The following ZFAND4 variants were observed in gnomAD, a reference collection of about 807,000 sequenced individuals.
The protein encoded by ZFAND4 is AN1-type zinc finger protein 4.
Under a neutral mutation model 64.4 loss-of-function variants are expected in ZFAND4, and 43 were observed. The observed-to-expected ratio is 0.67, with a 90% CI of 0.52 to 0.86. The LOEUF (loss-of-function observed/expected upper bound fraction) is 0.86. ZFAND4 is among the 40% of genes least tolerant of loss of function. ZFAND4 has a pLI of 0.00. For missense variants in ZFAND4, 929 were observed against 859.8 expected (o/e 1.08, Z -1.01); for synonymous variants, 296 against 305.7 (o/e 0.97, Z 0.33).
intron 6 of ZFAND4, among the ~76,000 whole-genome samples, chr10:45,628,264 G>A (rs2045973239): frequency 6.6e-6 from 1 of 152,196 alleles, no homozygotes; most frequent in African/African-American, 2.4e-5. Flanking sequence ...GATACCAACT[G>A]AGGCAAGAAA....
At position 45,640,953 on chromosome 10, in the gene ZFAND4, G is replaced by A. The variant is rs140386274; in HGVS notation, c.570-990C>T. ...ATTTCAATTACTGATCAACCACAGCGACGTTATTCATATTTCAATGTAATT... is the reference window on the plus strand; with the variant it reads ...ATTTCAATTACTGATCAACCACAGCAACGTTATTCATATTTCAATGTAATT... On this transcript the variant is annotated intron_variant, in intron 5 of 9. Coordinates refer to ENST00000344646, the MANE Select transcript of ZFAND4 (RefSeq NM_174890.4). Among the ~76,000 whole-genome samples, 8 of 152,268 alleles carry A rather than the reference G, an allele frequency of 5.3e-5. No individual in the cohort carries two copies. The East Asian group carries it at 1.3e-3, about 26-fold the overall frequency.
intron 6 of ZFAND4, among the ~76,000 whole-genome samples, chr10:45,630,076 T>C (rs1182795423): frequency 6.6e-6 from 1 of 151,764 alleles, no homozygotes; most frequent in African/African-American, 2.4e-5. Flanking sequence ...AGAAAATAAA[T>C]AGAAAAAGGC....
intron 8 of ZFAND4, chr10:45,620,910 T>C (rs543791203): frequency 6.6e-6 from 1 of 152,296 alleles, no homozygotes; most frequent in Admixed American, 6.5e-5. Flanking sequence ...AAGCCTTCTC[T>C]CAAATGTGTA....
At chr10:45,632,526 C>T (rs978954256) in intron 6 of ZFAND4, among the ~76,000 whole-genome samples, 1 of 152,022 alleles carries the variant, frequency 6.6e-6, no homozygotes, top group African/African-American at 2.4e-5. Context: ...CACTGATTTT[C>T]ACTTAGTAAT....
intron 4 of ZFAND4, chr10:45,648,923 G>T: frequency 3.1e-6 from 3 of 981,768 alleles, no homozygotes; most frequent in Non-Finnish European, 3.6e-6. Context: ...TTCAAATATT[G>T]GTTCCAACAA....
At chr10:45,621,397 T>C (rs2045410520) in intron 8 of ZFAND4, among the ~76,000 whole-genome samples, 1 of 145,644 alleles carries the variant, frequency 6.9e-6, no homozygotes, top group South Asian at 2.2e-4. Flanking sequence ...AAAGCATATA[T>C]CTGGGGACAA....
At chr10:45,662,138 ATAG>A (rs1457204794) in intron 2 of ZFAND4, among the ~76,000 whole-genome samples, 2 of 152,134 alleles carry the variant, frequency 1.3e-5, no homozygotes, top group African/African-American at 4.8e-5. Context: ...GCAGACTAAG[ATAG>A]TAGGTATTTT....
Position 45,618,233 on chromosome 10 carries a change from G to T in ZFAND4, c.1955C>A (p.Pro652His). ...VGECTTHHLP[P>H]VKAPLQTKKK... ...CTTTGTCTGAAGAGGGGCTTTCACAGGTGGGAGGTGATGAGTAGTACATTC... is the reference window on the plus strand; with the variant it reads ...CTTTGTCTGAAGAGGGGCTTTCACATGTGGGAGGTGATGAGTAGTACATTC... Residue 652 changes from proline to histidine, a missense_variant, in exon 9 of 10, where the codon CCT becomes CAT. Coordinates refer to ENST00000344646, the MANE Select transcript of ZFAND4 (RefSeq NM_174890.4). 1 of 1,613,516 alleles carries T rather than the reference G, an allele frequency of 6.2e-7. No homozygotes were observed. The highest frequency in any genetic ancestry group is 8.5e-7 in the Non-Finnish European group (1 of 1,179,796).
chr10:45,640,864 T>C (rs1358859587), intron 5 of ZFAND4, among the ~76,000 whole-genome samples: 1 of 152,170 alleles, frequency 6.6e-6, no homozygotes, highest in African/African-American at 2.4e-5. Flanking sequence ...TAGACTAGCA[T>C]AGATTTTAAC....
intron 1 of ZFAND4, among the ~76,000 whole-genome samples, chr10:45,666,765 T>A (rs188788444): frequency 6.6e-6 from 1 of 152,334 alleles, no homozygotes; most frequent in East Asian, 1.9e-4. Context: ...TTTGTCAGAA[T>A]TACCATTCAT....
In ZFAND4 at chr10:45,626,184, G is replaced by A. The variant is rs147863848; in HGVS notation, c.1639C>T (p.Arg547Trp). 1.4e-4 allele frequency: 224 copies of A among 1,614,060 alleles called. No individual in the cohort carries two copies. The African/African-American group carries it at 2.6e-3, about 18-fold the overall frequency. ...RSDVISKVEA[R>W]DITEMTNKAS... ...TTGTTAGTCATTTCTGTGATATCCCGAGCCTCAACTTTGGAAATAACATCA... is the reference window on the plus strand; with the variant it reads ...TTGTTAGTCATTTCTGTGATATCCCAAGCCTCAACTTTGGAAATAACATCA... Residue 547 changes from arginine to tryptophan, a missense_variant, in exon 7 of 10, where the codon CGG becomes TGG. Transcript: ENST00000344646.
chr10:45,640,577 G>C (rs914000791), intron 5 of ZFAND4, among the ~76,000 whole-genome samples: 6 of 151,858 alleles, frequency 4.0e-5, no homozygotes, highest in African/African-American at 9.7e-5. Flanking sequence ...TGCAACCTCT[G>C]CCTCCCGGGT....
chr10:45,666,427 A>G (rs2048830882), intron 1 of ZFAND4, among the ~76,000 whole-genome samples: 1 of 152,116 alleles, frequency 6.6e-6, no homozygotes, highest in African/African-American at 2.4e-5. Context: ...GAGTTTTTAT[A>G]TTACATATTC....
intron 8 of ZFAND4, 98 bp downstream of exon 8, chr10:45,624,485 C>T (rs2045654792): frequency 1.8e-6 from 2 of 1,082,946 alleles, no homozygotes; most frequent in Middle Eastern, 4.0e-4. Context: ...GTACATGCCA[C>T]AGAGAAGGTT....
At chr10:45,636,995 T>A (rs1019075856) in intron 6 of ZFAND4, among the ~76,000 whole-genome samples, 3 of 144,436 alleles carry the variant, frequency 2.1e-5, no homozygotes, top group African/African-American at 5.1e-5. Context: ...AGTCAATTGT[T>A]CCCCATCAGA....
intron 6 of ZFAND4, among the ~76,000 whole-genome samples, 172 bp from the exon 7 acceptor site, chr10:45,627,277 T>C (rs1352687851): frequency 6.6e-6 from 1 of 152,210 alleles, no homozygotes; most frequent in Non-Finnish European, 1.5e-5. Context: ...AAGATGCTAT[T>C]TTCCTTCACT....
At chr10:45,628,145 T>C (rs184909691) in intron 6 of ZFAND4, among the ~76,000 whole-genome samples, 2 of 152,250 alleles carry the variant, frequency 1.3e-5, no homozygotes, top group East Asian at 3.9e-4. Context: ...GCAAAAATGG[T>C]AGCAAGCAGG....
At chr10:45,635,218 AAAAAAACAAAC>A (rs765581824) in intron 6 of ZFAND4, among the ~76,000 whole-genome samples, 3,124 of 145,050 alleles carry the variant, frequency 0.022, 58 homozygotes, top group East Asian at 0.038. Flanking sequence ...AAAAAACAAA[AAAAAAACAAAC>A]AAAAAAAAAC....
At chr10:45,621,643 G>A (rs550635449) in intron 8 of ZFAND4, among the ~76,000 whole-genome samples, 5 of 152,130 alleles carry the variant, frequency 3.3e-5, no homozygotes, top group Non-Finnish European at 5.9e-5. Flanking sequence ...TCGGGAGGCT[G>A]AGGCAGGAGA....
Sources: gnomAD v4.1 joint callset for allele counts (sites outside exome capture counted in the v4.1 genomes callset) on GRCh38, gnomAD v4.1.1 for gene constraint, MANE v1.5 for transcripts, NCBI Gene and HGNC (gene_info 2026-07-23, HGNC 2026-07-21) for gene names.